Variants in NOC2L observed in about 807,000 individuals in gnomAD.
The protein encoded by NOC2L is NOC2 like nucleolar associated transcriptional repressor.
In NOC2L, 101 loss-of-function variants were observed where a neutral mutation model predicts 94.2. That is an observed-to-expected ratio of 1.07 (90% CI 0.91 to 1.26). NOC2L has a LOEUF of 1.26. NOC2L is among the 50% of genes most tolerant of loss of function. The probability of loss-of-function intolerance (pLI) is 0.00; values close to 1 mark genes in which losing one functional copy is unlikely to be tolerated. For missense variants in NOC2L, 1,076 were observed against 980.1 expected, an observed-to-expected ratio of 1.10 and a Z score of -1.31; for synonymous variants, 531 against 413.4, an observed-to-expected ratio of 1.28 and a Z score of -3.45.
intron 14 of NOC2L, 145 bp from the exon 15 acceptor site, chr1:946,690 C>G (rs1176446468): frequency 5.3e-6 from 5 of 948,714 alleles, no homozygotes; most frequent in African/African-American, 1.6e-5. Flanking sequence ...AAGTGCATAG[C>G]TGTTGCAGCT....
chr1:958,170 G>A (rs1369974506), intron 2 of NOC2L: 1 of 151,836 alleles, frequency 6.6e-6, no homozygotes, highest in African/African-American at 2.5e-5. Context: ...CCGGGTTCAA[G>A]CGATTCTCCT....
At position 957,591 on chromosome 1, in the gene NOC2L, T is replaced by C. The variant is rs149263543; in HGVS notation, c.180-318A>G. Reference sequence around the variant, plus strand: ...TGCGCTACTTTTGCCTGATGGTGGCTTCACCCTTCCAGAGGCTCAGACTAA... The same window carrying C: ...TGCGCTACTTTTGCCTGATGGTGGCCTCACCCTTCCAGAGGCTCAGACTAA... On this transcript the variant is annotated intron_variant, in intron 2 of 18. Coordinates refer to ENST00000327044, the MANE Select transcript of NOC2L (RefSeq NM_015658.4). 5.5e-4 allele frequency: 186 copies of C among 338,274 alleles called. 1 individual carries two copies. The highest frequency in any genetic ancestry group is 9.5e-4 in the South Asian group (22 of 23,164). 21.0% of individuals were successfully genotyped at this position (338,274 alleles called of 1,614,324 possible). A position where few individuals can be genotyped will look rare whatever the true frequency, so the allele number is the denominator to read the frequency against.
chr1:944,289 A>G lies in NOC2L; in HGVS notation c.*405T>C, dbSNP rs571936168. On this transcript the variant is annotated 3_prime_UTR_variant, in exon 19 of 19. Transcript: ENST00000327044. ...AATTTTAAAAGAAAATGTGACTTCA[A>G]AGGAAAGGAACAAATTTTCAAAGAC... The G allele has an allele frequency of 5.6e-6, 8 of 1,421,036 alleles. No homozygotes were observed. The highest frequency in any genetic ancestry group is 2.6e-5 in the East Asian group (1 of 38,104). 88.0% of individuals were successfully genotyped at this position (1,421,036 alleles called of 1,614,324 possible).
At chr1:959,142 A>G in intron 1 of NOC2L, 61 bp from the exon 2 acceptor site, 1 of 1,611,924 alleles carries the variant, frequency 6.2e-7, no homozygotes, top group South Asian at 1.1e-5. Flanking sequence ...CCCCGCTGAG[A>G]GGAGCAAGAA....
chr1:945,398 G>A, intron 17 of NOC2L, 120 bp downstream of exon 17: 1 of 1,281,750 alleles, frequency 7.8e-7, no homozygotes, highest in Non-Finnish European at 1.1e-6. Context: ...GTTGGCCCCA[G>A]CTGGGCCAGA....
intron 14 of NOC2L, among the ~76,000 whole-genome samples, chr1:947,754 G>A (rs1389333438): frequency 2.0e-5 from 3 of 152,190 alleles, no homozygotes; most frequent in Non-Finnish European, 4.4e-5. Context: ...TGCCACCTGA[G>A]AAGCCACTCC....
rs41285798 is a variant in NOC2L, at chr1:946,389, A to G, written c.1803+13T>C. The G allele has an allele frequency of 2.5e-3, 4,076 of 1,613,510 alleles. 7 individuals carry two copies. Among genetic ancestry groups the G allele is most frequent in the Non-Finnish European group, 3.2e-3 (3,798 of 1,179,984 alleles). Reference sequence around the variant, plus strand: ...GGTGCCCTCAGGTGGCACTACCCCCAGGGCCCACTAACCACTGCCTGCTGC... The same window carrying G: ...GGTGCCCTCAGGTGGCACTACCCCCGGGGCCCACTAACCACTGCCTGCTGC... On this transcript the variant is annotated intron_variant, in intron 15 of 18. Transcript: ENST00000327044.
Position 944,471 on chromosome 1 carries a change from T to G in NOC2L, c.*223A>C. ...GGTCAGCTCCCCCGCGGAGCTGACT[T>G]CAGCAGCCCACAGCTGTGGGGCTTC... On this transcript the variant is annotated 3_prime_UTR_variant, in exon 19 of 19. Coordinates refer to ENST00000327044, the MANE Select transcript of NOC2L (RefSeq NM_015658.4). 1.4e-6 allele frequency: 1 copy of G among 726,988 alleles called. No individual in the cohort carries two copies. Among genetic ancestry groups the G allele is most frequent in the South Asian group, 2.1e-5 (1 of 46,556 alleles). The allele number at this position is 726,988 out of a possible 1,614,324, so 45.0% of individuals were successfully genotyped here.
chr1:946,685 C>T, intron 14 of NOC2L, 140 bp from the exon 15 acceptor site: 2 of 1,020,466 alleles, frequency 2.0e-6, no homozygotes, highest in Non-Finnish European at 2.8e-6. Context: ...GGCTCAAGTG[C>T]ATAGCTGTTG....
rs986970731 is a variant in NOC2L at position 944,389 on chromosome 1, C to G, written c.*305G>C. 1 of 1,271,318 alleles carries G rather than the reference C, an allele frequency of 7.9e-7. No individual in the cohort carries two copies. 78.8% of individuals were successfully genotyped at this position (1,271,318 alleles called of 1,614,324 possible). ...GGAGGGCAGAGGTGGTGGAAGGGGC[C>G]AGGGGCCTGCAGGCCTCCCCCTGGA... On this transcript the variant is annotated 3_prime_UTR_variant, in exon 19 of 19. Transcript: ENST00000327044.
chr1:953,454 G>C (rs1035314503), intron 8 of NOC2L, among the ~76,000 whole-genome samples, 166 bp from the exon 9 acceptor site: 4 of 152,122 alleles, frequency 2.6e-5, no homozygotes, highest in African/African-American at 9.6e-5. Context: ...GAAGTGAACA[G>C]AACAGGTGTG....
intron 6 of NOC2L, 90 bp downstream of exon 6, chr1:955,833 C>G (rs1247366200): frequency 1.8e-6 from 2 of 1,117,392 alleles, no homozygotes; most frequent in Admixed American, 1.9e-5. Context: ...GTTGCCATGT[C>G]TCTGTCCTAG....
chr1:946,256 C>A lies in NOC2L; in HGVS notation c.1834G>T (p.Gly612Trp). 5 of 1,613,762 alleles carry A rather than the reference C, an allele frequency of 3.1e-6. No homozygotes were observed. Among genetic ancestry groups the A allele is most frequent in the Non-Finnish European group, 4.2e-6 (5 of 1,179,832 alleles). Reference protein sequence around the residue: ...EAWEKLTREEGTPLTLYYSHW... With the variant: ...EAWEKLTREEWTPLTLYYSHW... ...CTGTAGTACAAGGTCAGGGGTGTCC[C>A]CTCTTCCCGGGTCAGCTTCTCCCAG... Residue 612 changes from glycine (G) to tryptophan (W), a missense_variant, in exon 16 of 19, where the codon GGG (glycine) becomes TGG (tryptophan). Transcript: ENST00000327044.
In NOC2L at chr1:953,812, G is replaced by T. The variant is rs750836761; in HGVS notation, c.858C>A (p.Thr286=). The stretch of plus-strand genomic sequence containing the variant: ...GCAGCATGCGGCACTGCTTGGGGAA[G>T]GTCAGGAAGCAGGGCACCAGCACGC... ...HISVLVPCFL[T]FPKQCRMLLK... is the part of the protein sequence containing the mutation. Residue 286 remains threonine (T), a synonymous_variant, in exon 8 of 19, where the codon ACC becomes ACA. Coordinates refer to ENST00000327044, the MANE Select transcript of NOC2L (RefSeq NM_015658.4). The T allele has an allele frequency of 6.2e-7, 1 of 1,612,932 alleles. No individual in the cohort carries two copies. The highest frequency in any genetic ancestry group is 1.1e-5 in the South Asian group (1 of 91,084).
chr1:948,521 G>C lies in NOC2L; in HGVS notation c.1526C>G (p.Ser509Cys), dbSNP rs1199404966. The change falls in exon 13 of 19, where the codon TCC (serine) becomes TGC (cysteine). Residue 509 changes from serine to cysteine, a missense_variant. Ser to Cys is a moderately radical substitution (Grantham distance 112). This residue lies in a region of NOC2L where 615 missense variants were observed against 577.4 expected (regional missense o/e 1.07). Coordinates refer to ENST00000327044, the MANE Select transcript of NOC2L (RefSeq NM_015658.4). ...CGCCTTCTCCTGCAGGTTGACATTG[G>C]ACAGCTTCAGGATCACGGAGAAGTT... ...PINFSVILKLSNVNLQEKAYR... is the reference protein window; with the variant it reads ...PINFSVILKLCNVNLQEKAYR... 2 of 1,613,482 alleles carry C rather than the reference G, an allele frequency of 1.2e-6. No individual in the cohort carries two copies. Among genetic ancestry groups the C allele is most frequent in the Non-Finnish European group, 1.7e-6 (2 of 1,179,838 alleles).
rs1642082930 is a variant in NOC2L at position 945,582 on chromosome 1, T to C, written c.1989A>G (p.Gln663=). ...MADRKDEDRK[Q]FKDLFDLNSS... is the part of the protein sequence containing the mutation. ...TGTTCAGGTCAAAGAGGTCTTTAAA[T>C]TGCTTCCTGTCCTCATCCTTCCTGT... Residue 663 remains glutamine, a synonymous_variant, in exon 17 of 19, where the codon CAA becomes CAG. Transcript: ENST00000327044. 1 of 1,613,980 alleles carries C rather than the reference T, an allele frequency of 6.2e-7. No individual in the cohort carries two copies. The highest frequency in any genetic ancestry group is 8.5e-7 in the Non-Finnish European group (1 of 1,179,992).
intron 7 of NOC2L, 49 bp from the exon 8 acceptor site, chr1:953,941 T>C (rs1212107563): frequency 6.2e-7 from 1 of 1,606,898 alleles, no homozygotes; most frequent in South Asian, 1.1e-5. Flanking sequence ...TATTCTGGGA[T>C]ACAAAAAAGG....
rs1445222729 is a variant in NOC2L, at chr1:944,209, C to A, written c.*485G>T. 1.1e-5 allele frequency: 17 copies of A among 1,488,178 alleles called. No individual in the cohort carries two copies. In the African/African-American group the frequency reaches 2.1e-4, roughly 19 times the overall value. The allele number at this position is 1,488,178 out of a possible 1,614,324, so 92.2% of individuals were successfully genotyped here. ...AATCTCCAGGAGCCACCACTCAACA[C>A]AATGGCCCTGCCTCCCACCGCTTTA... On this transcript the variant is annotated 3_prime_UTR_variant, in exon 19 of 19. Transcript: ENST00000327044.
At position 959,032 on chromosome 1, in the gene NOC2L, A is replaced by G; in HGVS notation, c.76T>C (p.Ser26Pro). 6.2e-7 allele frequency: 1 copy of G among 1,612,016 alleles called. No homozygotes were observed. Among genetic ancestry groups the G allele is most frequent in the Non-Finnish European group, 8.5e-7 (1 of 1,179,460 alleles). The stretch of plus-strand genomic sequence containing the variant: ...TTTTCGGACTCGGATTCGGACTCGG[A>G]GTCAAAGCCCGAAGCTAGGAACTCG... ...VDEFLASGFD[S>P]ESESESENSP... The change falls in exon 2 of 19, where the codon TCC (serine) becomes CCC (proline). Residue 26 changes from serine (S) to proline (P), a missense_variant. This residue lies in a region of NOC2L where 457 missense variants were observed against 386.0 expected (regional missense o/e 1.18). Transcript: ENST00000327044.
Sources: allele counts gnomAD v4.1 joint callset (sites outside exome capture counted in the v4.1 genomes callset), GRCh38; gene constraint gnomAD v4.1.1; regional missense constraint gnomAD v4.1.1; transcripts MANE v1.5; gene names NCBI Gene and HGNC (gene_info 2026-07-23, HGNC 2026-07-21).